The following ZNF528 variants were observed in gnomAD, a reference collection of about 807,000 sequenced individuals.
ZNF528 encodes the protein zinc finger protein 528.
A neutral mutation model predicts 13.3 loss-of-function variants in ZNF528; 9 were observed. That is an observed-to-expected ratio of 0.67 (90% CI 0.41 to 1.18). The LOEUF is 1.18. ZNF528 is among the 50% of genes most tolerant of loss of function. The pLI, the probability that ZNF528 is intolerant of heterozygous loss-of-function variation, is 0.01. For missense variants in ZNF528, 858 were observed against 745.4 expected (o/e 1.15, Z -1.76); for synonymous variants, 264 against 254.3 (o/e 1.04, Z -0.36).
chr19:52,416,025 G>A lies in ZNF528; in HGVS notation c.1173G>A (p.Gly391=). The change falls in exon 7 of 7, where the codon GGG becomes GGA. Residue 391 remains glycine (G), a synonymous_variant. Coordinates refer to ENST00000360465, the MANE Select transcript of ZNF528 (RefSeq NM_032423.3). ...YKCKECDKVF[G]RKCFLTSHQR... ...GTAAAGAATGTGACAAGGTCTTTGGGCGCAAGTGTTTCCTGACCTCTCATC... is the reference window on the plus strand; with the variant it reads ...GTAAAGAATGTGACAAGGTCTTTGGACGCAAGTGTTTCCTGACCTCTCATC... 4 of 1,614,024 alleles carry A rather than the reference G, an allele frequency of 2.5e-6. No individual in the cohort carries two copies. The highest frequency in any genetic ancestry group is 3.4e-6 in the Non-Finnish European group (4 of 1,180,022).
intron 6 of ZNF528, among the ~76,000 whole-genome samples, chr19:52,407,348 C>T (rs117132632): frequency 0.017 from 2,588 of 151,786 alleles, 41 homozygotes; most frequent in Non-Finnish European, 0.025. Flanking sequence ...CCATGTTATA[C>T]AGGCTAGTGT....
chr19:52,402,044 C>T lies in ZNF528; in HGVS notation c.15+16C>T, dbSNP rs1389238686. The T allele has an allele frequency of 6.2e-7, 1 of 1,614,096 alleles. No homozygotes were observed. The highest frequency in any genetic ancestry group is 1.3e-5 in the African/African-American group (1 of 75,026). On this transcript the variant is annotated intron_variant, in intron 4 of 6. Transcript: ENST00000360465. ...CCTTACTCAGGTAAGGTAATGTTCT[C>T]AGTGGATTGTTCTGTCTCTGTTTCT...
intron 2 of ZNF528, among the ~76,000 whole-genome samples, chr19:52,401,293 G>T (rs2122508935): frequency 6.6e-6 from 1 of 152,276 alleles, no homozygotes; most frequent in African/African-American, 2.4e-5. Context: ...TAGCTCAGAT[G>T]ACAGACACCT....
At chr19:52,414,616 G>A (rs1175523864) in intron 6 of ZNF528, 2 of 415,018 alleles carry the variant, frequency 4.8e-6, no homozygotes, top group Non-Finnish European at 4.5e-6. Flanking sequence ...ACCTTCTGGT[G>A]TCAGGCGCAG....
chr19:52,416,844 A>G lies in ZNF528; in HGVS notation c.*105A>G, dbSNP rs2059011573. The G allele has an allele frequency of 4.0e-6, 5 of 1,241,506 alleles. No homozygotes were observed. The highest frequency in any genetic ancestry group is 1.5e-5 in the African/African-American group (1 of 66,176). The allele number at this position is 1,241,506 out of a possible 1,614,324, so 76.9% of individuals were successfully genotyped here. A position where few individuals can be genotyped will look rare whatever the true frequency, so the allele number is the denominator to read the frequency against. On this transcript the variant is annotated 3_prime_UTR_variant, in exon 7 of 7. Coordinates refer to ENST00000360465, the MANE Select transcript of ZNF528 (RefSeq NM_032423.3). ...AAATCATATAAATGAAATGTATGTG[A>G]CACAGGCTTTATCAAGGCCTGCCAA...
At chr19:52,414,747 A>G in intron 6 of ZNF528, 6 of 397,670 alleles carry the variant, frequency 1.5e-5, no homozygotes, top group South Asian at 1.3e-4. Flanking sequence ...GGGAACACTC[A>G]GTCCTTTTCT....
intron 2 of ZNF528, among the ~76,000 whole-genome samples, chr19:52,400,453 A>G (rs1047463346): frequency 6.6e-6 from 1 of 152,118 alleles, no homozygotes; most frequent in African/African-American, 2.4e-5. Context: ...TTTGACACCA[A>G]CCATTCCACT....
At chr19:52,412,911 A>G (rs2058949315) in intron 6 of ZNF528, 1 of 152,208 alleles carries the variant, frequency 6.6e-6, no homozygotes. Flanking sequence ...CCTTCATCCT[A>G]ACAAGCTCTG....
Position 52,415,679 on chromosome 19 carries a change from A to T in ZNF528, c.827A>T (p.Lys276Met). ...EKPYKCHECD[K>M]VFRSSSKLAQ... ...CCTTACAAATGTCATGAATGTGACA[A>T]GGTCTTTCGAAGCAGTTCAAAGCTT... The change falls in exon 7 of 7, where the codon AAG becomes ATG. Residue 276 changes from lysine (K) to methionine (M), a missense_variant. Transcript: ENST00000360465. 1 of 1,614,198 alleles carries T rather than the reference A, an allele frequency of 6.2e-7. No individual in the cohort carries two copies. The highest frequency in any genetic ancestry group is 1.1e-5 in the South Asian group (1 of 91,080).
chr19:52,404,561 T>C (rs558508386), intron 4 of ZNF528, among the ~76,000 whole-genome samples: 1 of 152,230 alleles, frequency 6.6e-6, no homozygotes, highest in East Asian at 1.9e-4. Flanking sequence ...GCTATTGTTA[T>C]CATCACAGTT....
At chr19:52,413,623 CTATTTCTGCTACTGAAGGAG>C (rs1191218333) in intron 6 of ZNF528, 6 of 152,584 alleles carry the variant, frequency 3.9e-5, no homozygotes, top group Non-Finnish European at 7.3e-5. Context: ...ACTGGGGTCT[CTATTTCTGCTACTGAAGGAG>C]GTGGTACAGA....
chr19:52,400,919 T>C (rs1166249465), intron 2 of ZNF528, among the ~76,000 whole-genome samples: 3 of 152,144 alleles, frequency 2.0e-5, no homozygotes, highest in African/African-American at 7.2e-5. Flanking sequence ...TTTGAAGACA[T>C]TGCTTGTATT....
chr19:52,416,213 C>T lies in ZNF528; in HGVS notation c.1361C>T (p.Ala454Val). The T allele has an allele frequency of 6.2e-7, 1 of 1,613,250 alleles. No homozygotes were observed. The highest frequency in any genetic ancestry group is 8.5e-7 in the Non-Finnish European group (1 of 1,179,652). Residue 454 changes from alanine (A) to valine (V), a missense_variant, in exon 7 of 7, where the codon GCC becomes GTC. Ala to Val is a moderately conservative substitution (Grantham distance 64). Transcript: ENST00000360465. ...TTTAGAGAGTTTTCAGACCTTACTG[C>T]CCATTTTCTAATCCATAGTGGAGAG... The part of the protein sequence containing the change: ...TAFREFSDLT[A>V]HFLIHSGEKP...
In ZNF528 at chr19:52,414,640, C is replaced by T. The variant is rs1276895398; in HGVS notation, c.272-484C>T. ...TGTCAGGCGCAGTCGTGAGTTTGCC[C>T]ACATCCTGCATTCATGATAGTTTGT... is the stretch of plus-strand genomic sequence containing the variant. On this transcript the variant is annotated intron_variant, in intron 6 of 6. Coordinates refer to ENST00000360465, the MANE Select transcript of ZNF528 (RefSeq NM_032423.3). The T allele has an allele frequency of 1.7e-5, 7 of 400,700 alleles. No individual in the cohort carries two copies. The East Asian group carries it at 3.4e-4, about 19-fold the overall frequency. The allele number at this position is 400,700 out of a possible 1,614,324, so 24.8% of individuals were successfully genotyped here.
chr19:52,416,515 G>T lies in ZNF528; in HGVS notation c.1663G>T (p.Gly555Cys). The change falls in exon 7 of 7, where the codon GGC (glycine) becomes TGC (cysteine). Residue 555 changes from glycine (G) to cysteine (C), a missense_variant. Gly to Cys is a radical substitution (Grantham distance 159). Transcript: ENST00000360465. ...GAGGCCTTACAGATGTAGTAAATGT[G>T]GCAAAGCATTTCGAGGGTGTTCAGG... ...GERPYRCSKC[G>C]KAFRGCSGLT... 6.2e-7 allele frequency: 1 copy of T among 1,614,116 alleles called. No homozygotes were observed. The highest frequency in any genetic ancestry group is 1.1e-5 in the South Asian group (1 of 91,080).
At position 52,417,243 on chromosome 19, in the gene ZNF528, G is replaced by T; in HGVS notation, c.*504G>T. The T allele has an allele frequency of 3.3e-6, 1 of 299,038 alleles. No homozygotes were observed. Among genetic ancestry groups the T allele is most frequent in the Non-Finnish European group, 6.5e-6 (1 of 153,070 alleles). The allele number at this position is 299,038 out of a possible 1,614,324, so 18.5% of individuals were successfully genotyped here. A position where few individuals can be genotyped will look rare whatever the true frequency, so the allele number is the denominator to read the frequency against. On this transcript the variant is annotated 3_prime_UTR_variant, in exon 7 of 7. Coordinates refer to ENST00000360465, the MANE Select transcript of ZNF528 (RefSeq NM_032423.3). The stretch of plus-strand genomic sequence containing the variant: ...CACTGTGGTCCCTGGGAAAGAATCA[G>T]TAGGATGACAGGGCTGACTTCATTA...
chr19:52,407,107 G>A (rs1000936129), intron 6 of ZNF528, among the ~76,000 whole-genome samples: 2 of 150,768 alleles, frequency 1.3e-5, no homozygotes, highest in African/African-American at 4.9e-5. Flanking sequence ...ACGATGCCTG[G>A]CTAATTTTTG....
chr19:52,409,835 G>A (rs1329255234), intron 6 of ZNF528, among the ~76,000 whole-genome samples: 1 of 152,004 alleles, frequency 6.6e-6, no homozygotes, highest in East Asian at 1.9e-4. Flanking sequence ...TCTTGTCTTA[G>A]CCTCCTGAGT....
chr19:52,402,156 T>C, intron 4 of ZNF528, 128 bp downstream of exon 4: 1 of 1,304,464 alleles, frequency 7.7e-7, no homozygotes, highest in South Asian at 1.3e-5. Context: ...CCATGGCTTC[T>C]TCCAGTCCCT....
Sources: gnomAD v4.1 joint callset for allele counts (sites outside exome capture counted in the v4.1 genomes callset) on GRCh38, gnomAD v4.1.1 for gene constraint, MANE v1.5 for transcripts, NCBI Gene and HGNC (gene_info 2026-07-23, HGNC 2026-07-21) for gene names.